Variants in CRYBA4 observed in about 807,000 individuals in gnomAD.
CRYBA4 encodes crystallin beta A4, also known as beta-crystallin A4.
CRYBA4 carries 30 observed loss-of-function variants against 31.7 expected under a neutral mutation model. The ratio of observed to expected loss-of-function variants is 0.95; its 90% CI spans 0.71 to 1.28. The LOEUF (loss-of-function observed/expected upper bound fraction) is 1.28, where lower values mean the gene tolerates loss of function less well. CRYBA4 is among the 50% of genes most tolerant of loss of function. The pLI, the probability that CRYBA4 is intolerant of heterozygous loss-of-function variation, is 0.00. For missense variants in CRYBA4, 225 were observed against 260.7 expected (o/e 0.86, Z 0.94); for synonymous variants, 102 against 102.3 (o/e 1.00, Z 0.02).
chr22:26,630,379 G>A lies in CRYBA4; in HGVS notation c.483G>A (p.Gln161=). 6.2e-7 allele frequency: 1 copy of A among 1,614,252 alleles called. No homozygotes were observed. Among genetic ancestry groups the A allele is most frequent in the Non-Finnish European group, 8.5e-7 (1 of 1,180,038 alleles). The change falls in exon 6 of 6, where the codon CAG becomes CAA. Residue 161 remains glutamine, a synonymous_variant. Coordinates refer to ENST00000354760, the MANE Select transcript of CRYBA4 (RefSeq NM_001886.3). ...CSQFPGYRGF[Q]YVLECDHHSG... ...AGTTTCCGGGCTACCGAGGATTTCA[G>A]TATGTGCTGGAATGCGATCACCATT...
chr22:26,611,448 G>C, the CRYBA4 span, among the ~76,000 whole-genome samples: 2 of 150,380 alleles, frequency 1.3e-5, no homozygotes, highest in Non-Finnish European at 3.0e-5. Flanking sequence ...TAATGGGCTA[G>C]AGTTTGTTTT....
intron 3 of CRYBA4, among the ~76,000 whole-genome samples, chr22:26,625,099 C>G (rs933045412): frequency 6.6e-6 from 1 of 152,292 alleles, no homozygotes; most frequent in African/African-American, 2.4e-5. Context: ...TCTGTGGACA[C>G]GGACGGAGGA....
the CRYBA4 span, among the ~76,000 whole-genome samples, chr22:26,611,632 G>A: frequency 1.9e-3 from 293 of 152,006 alleles, 1 homozygote; most frequent in African/African-American, 6.7e-3. Context: ...CCGCCACCAC[G>A]CCCGGCTAAT....
chr22:26,612,148 C>A, the CRYBA4 span: 1 of 1,614,040 alleles, frequency 6.2e-7, no homozygotes, highest in Non-Finnish European at 8.5e-7. Context: ...CCCGAGAATT[C>A]TGCTCGACGG....
At chr22:26,610,231 T>C in the CRYBA4 span, among the ~76,000 whole-genome samples, 3 of 151,932 alleles carry the variant, frequency 2.0e-5, no homozygotes, top group Non-Finnish European at 4.4e-5. Context: ...CTAAGAGGGG[T>C]TAAGTCCCCA....
In CRYBA4 at chr22:26,625,533, C is replaced by G; in HGVS notation, c.211C>G (p.Arg71Gly). The G allele has an allele frequency of 1.2e-6, 2 of 1,614,036 alleles. No homozygotes were observed. The highest frequency in any genetic ancestry group is 1.3e-5 in the African/African-American group (1 of 75,036). The change falls in exon 4 of 6, where the codon CGA becomes GGA. Residue 71 changes from arginine to glycine, a missense_variant. Physicochemically the swap from Arg to Gly is moderately radical, Grantham distance 125. Transcript: ENST00000354760. ...GFQGQQYILE[R>G]GEYPSWDAWG... ...CCAAGGGCAGCAGTACATTCTGGAA[C>G]GAGGCGAATATCCAAGCTGGGATGC...
At chr22:26,614,676 T>G in the CRYBA4 span, among the ~76,000 whole-genome samples, 2 of 152,122 alleles carry the variant, frequency 1.3e-5, no homozygotes, top group Non-Finnish European at 2.9e-5. Flanking sequence ...AATAATCACA[T>G]TGCATATTTC....
At chr22:26,613,267 T>C in the CRYBA4 span, among the ~76,000 whole-genome samples, 1 of 152,344 alleles carries the variant, frequency 6.6e-6, no homozygotes. Context: ...GGCACAATTT[T>C]CTGCCTTCTT....
chr22:26,630,007 T>A (rs897441069), intron 5 of CRYBA4, among the ~76,000 whole-genome samples: 5 of 152,250 alleles, frequency 3.3e-5, no homozygotes, highest in African/African-American at 1.2e-4. Context: ...ACAAATAATT[T>A]GAAAACTATC....
the CRYBA4 span, among the ~76,000 whole-genome samples, chr22:26,596,396 C>G: frequency 2.6e-5 from 4 of 152,196 alleles, no homozygotes; most frequent in Admixed American, 2.6e-4. Context: ...TGTGCCTGGC[C>G]GCAAAGAGGT....
the CRYBA4 span, among the ~76,000 whole-genome samples, chr22:26,613,292 C>T: frequency 6.6e-6 from 1 of 152,188 alleles, no homozygotes; most frequent in Non-Finnish European, 1.5e-5. Flanking sequence ...CCTCAGTTTC[C>T]CCAGCTGTAA....
the CRYBA4 span, among the ~76,000 whole-genome samples, chr22:26,603,394 A>G: frequency 0.37 from 56,520 of 151,236 alleles, 11,255 homozygotes; most frequent in East Asian, 0.69. Context: ...GCCAGGTGCA[A>G]TCACATGTGC....
At chr22:26,613,692 C>A in the CRYBA4 span, among the ~76,000 whole-genome samples, 9 of 152,056 alleles carry the variant, frequency 5.9e-5, no homozygotes, top group Non-Finnish European at 1.2e-4. Flanking sequence ...ATTAACTGCA[C>A]AAATTGTACA....
chr22:26,616,511 C>T, the CRYBA4 span, among the ~76,000 whole-genome samples: 3 of 152,192 alleles, frequency 2.0e-5, no homozygotes, highest in East Asian at 5.8e-4. Context: ...AAGACCTTCC[C>T]GTCTGGGGGC....
rs904255095 is a variant in CRYBA4 at position 26,630,617 on chromosome 22, C to A, written c.*130C>A. ...AACCCAGCACCCATGTGAACTGGTC[C>A]GTGCACAGTCAGCACAAAAAACTCA... On this transcript the variant is annotated 3_prime_UTR_variant, in exon 6 of 6. Transcript: ENST00000354760. 10 of 724,332 alleles carry A rather than the reference C, an allele frequency of 1.4e-5. No individual in the cohort carries two copies. Among genetic ancestry groups the A allele is most frequent in the Admixed American group, 1.2e-4 (5 of 40,560 alleles). 44.9% of individuals were successfully genotyped at this position (724,332 alleles called of 1,614,324 possible).
chr22:26,603,125 CAA>C, the CRYBA4 span, among the ~76,000 whole-genome samples: 12 of 69,340 alleles, frequency 1.7e-4, no homozygotes, highest in African/African-American at 5.7e-4. Context: ...GACTCCGTCT[CAA>C]AAAAAAAAAA....
the CRYBA4 span, among the ~76,000 whole-genome samples, chr22:26,611,726 G>A: frequency 2.0e-5 from 3 of 151,892 alleles, no homozygotes; most frequent in Non-Finnish European, 2.9e-5. Flanking sequence ...CACCCGCCTC[G>A]GCCTCCCAAA....
At chr22:26,611,468 TG>T in the CRYBA4 span, among the ~76,000 whole-genome samples, 332 of 135,946 alleles carry the variant, frequency 2.4e-3, 1 homozygote, top group African/African-American at 6.0e-3. Flanking sequence ...TTTTTTTTTT[TG>T]TTTTTTTTTT....
the CRYBA4 span, chr22:26,607,772 A>G: frequency 1.4e-6 from 2 of 1,407,896 alleles, no homozygotes; most frequent in Non-Finnish European, 2.0e-6. Context: ...GACAACTCGG[A>G]GGCTGCCACG....
Sources: allele counts gnomAD v4.1 joint callset (sites outside exome capture counted in the v4.1 genomes callset), GRCh38; gene constraint gnomAD v4.1.1; transcripts MANE v1.5; gene names NCBI Gene and HGNC (gene_info 2026-07-23, HGNC 2026-07-21).